JAZF1: variants seen among roughly 807,000 people sequenced by gnomAD.
JAZF1 encodes juxtaposed with another zinc finger protein 1.
A neutral mutation model predicts 26.4 loss-of-function variants in JAZF1; 8 were observed. The observed-to-expected ratio is 0.30, with a 90% CI of 0.18 to 0.55. The LOEUF (loss-of-function observed/expected upper bound fraction) is 0.55, where lower values mean the gene tolerates loss of function less well. JAZF1 is among the 20% of genes least tolerant of loss of function. The pLI is 0.94. For synonymous variants in JAZF1, 126 were observed against 122.3 expected, an observed-to-expected ratio of 1.03 and a Z score of -0.20; for missense variants, 199 against 322.0, an observed-to-expected ratio of 0.62 and a Z score of 2.92.
chr7:27,850,139 G>T (rs1316289024), intron 3 of JAZF1, among the ~76,000 whole-genome samples: 1 of 152,094 alleles, frequency 6.6e-6, no homozygotes, highest in Non-Finnish European at 1.5e-5. Context: ...CTTTCCTGGG[G>T]TATCAAATTC....
At chr7:28,013,615 G>A (rs920501396) in intron 1 of JAZF1, among the ~76,000 whole-genome samples, 3 of 152,094 alleles carry the variant, frequency 2.0e-5, no homozygotes, top group African/African-American at 7.2e-5. Context: ...GCACTGAAAT[G>A]ACCAAAGCAG....
chr7:27,873,783 C>T (rs957419734), intron 3 of JAZF1, among the ~76,000 whole-genome samples: 2 of 152,208 alleles, frequency 1.3e-5, no homozygotes, highest in Non-Finnish European at 2.9e-5. Flanking sequence ...GCACTCAGTG[C>T]TGGGTCTTCG....
At chr7:27,869,980 C>T (rs111805630) in intron 3 of JAZF1, among the ~76,000 whole-genome samples, 2,333 of 152,234 alleles carry the variant, frequency 0.015, 44 homozygotes, top group African/African-American at 0.054. Context: ...ACGATACTGG[C>T]TCACTGCAAC....
At chr7:28,068,217 GTTTT>G (rs551935511) in intron 1 of JAZF1, among the ~76,000 whole-genome samples, 15 of 124,478 alleles carry the variant, frequency 1.2e-4, no homozygotes, top group African/African-American at 4.4e-4. Context: ...GCTCAGCCTA[GTTTT>G]TTTTTTTTTT....
At chr7:28,153,174 A>C (rs1420263748) in intron 1 of JAZF1, among the ~76,000 whole-genome samples, 4 of 152,196 alleles carry the variant, frequency 2.6e-5, no homozygotes, top group Non-Finnish European at 5.9e-5. Context: ...CCAAGGGTAC[A>C]CTACTTGGTT....
chr7:28,111,523 A>G (rs1784661010), intron 1 of JAZF1, among the ~76,000 whole-genome samples: 1 of 152,226 alleles, frequency 6.6e-6, no homozygotes. Context: ...GCTTTCTATC[A>G]CATGATAGCT....
chr7:27,910,047 G>GT (rs1379915422), intron 2 of JAZF1, among the ~76,000 whole-genome samples: 1 of 152,196 alleles, frequency 6.6e-6, no homozygotes, highest in Non-Finnish European at 1.5e-5. Context: ...GAGGAGCACT[G>GT]TTATATAGAG....
intron 1 of JAZF1, among the ~76,000 whole-genome samples, chr7:28,083,627 AT>A (rs1026108389): frequency 7.2e-4 from 110 of 152,162 alleles, no homozygotes; most frequent in African/African-American, 2.6e-3. Flanking sequence ...ATTATTTTAT[AT>A]TTTTCAAAAT....
At chr7:28,001,746 A>G (rs1056696683) in intron 1 of JAZF1, among the ~76,000 whole-genome samples, 1 of 151,970 alleles carries the variant, frequency 6.6e-6, no homozygotes, top group Non-Finnish European at 1.5e-5. Flanking sequence ...GACGATGCAG[A>G]GCACTGAAGG....
intron 1 of JAZF1, among the ~76,000 whole-genome samples, chr7:28,075,728 G>C (rs1583546629): frequency 6.6e-6 from 1 of 152,120 alleles, no homozygotes; most frequent in East Asian, 1.9e-4. Flanking sequence ...CATATTAATG[G>C]ATATTTAGGT....
At chr7:28,128,762 C>T (rs1297633036) in intron 1 of JAZF1, among the ~76,000 whole-genome samples, 1 of 152,150 alleles carries the variant, frequency 6.6e-6, no homozygotes, top group Non-Finnish European at 1.5e-5. Flanking sequence ...CAAATTATTT[C>T]AATCAACAGG....
chr7:28,116,670 G>A (rs989231131), intron 1 of JAZF1, among the ~76,000 whole-genome samples: 1 of 151,892 alleles, frequency 6.6e-6, no homozygotes, highest in Non-Finnish European at 1.5e-5. Flanking sequence ...TCTCAAACTC[G>A]AACTCCTGAC....
chr7:28,000,622 C>CTT (rs1190147547), intron 1 of JAZF1, among the ~76,000 whole-genome samples: 1,460 of 61,958 alleles, frequency 0.024, 49 homozygotes, highest in African/African-American at 0.057. Flanking sequence ...TTCTTTCTTT[C>CTT]TTTTTTTTTT....
At chr7:28,080,485 C>T (rs907624265) in intron 1 of JAZF1, among the ~76,000 whole-genome samples, 6 of 152,192 alleles carry the variant, frequency 3.9e-5, no homozygotes, top group Admixed American at 6.5e-5. Flanking sequence ...TGCAAGAAGC[C>T]GAGTTTTCAG....
chr7:28,135,665 G>A (rs1435061250), intron 1 of JAZF1, among the ~76,000 whole-genome samples: 1 of 152,174 alleles, frequency 6.6e-6, no homozygotes, highest in Admixed American at 6.5e-5. Context: ...AGCTTCAAAA[G>A]AGGCAATTAC....
chr7:27,885,470 A>G (rs1783843162), intron 3 of JAZF1, among the ~76,000 whole-genome samples: 1 of 152,242 alleles, frequency 6.6e-6, no homozygotes. Context: ...TTCTGTGTTA[A>G]TAACAACAGT....
At chr7:27,835,314 C>G (rs1176309677) in intron 4 of JAZF1, among the ~76,000 whole-genome samples, 2 of 152,172 alleles carry the variant, frequency 1.3e-5, no homozygotes, top group Non-Finnish European at 2.9e-5. Flanking sequence ...AGATTTAAGA[C>G]CAGAAATTGC....
At chr7:27,875,517 C>T (rs778199067) in intron 3 of JAZF1, among the ~76,000 whole-genome samples, 90 of 152,192 alleles carry the variant, frequency 5.9e-4, no homozygotes, top group Non-Finnish European at 1.1e-3. Context: ...TTCCCCCACC[C>T]CACCCACCAG....
At chr7:28,086,500 A>G (rs1468970352) in intron 1 of JAZF1, among the ~76,000 whole-genome samples, 2 of 152,198 alleles carry the variant, frequency 1.3e-5, no homozygotes, top group African/African-American at 4.8e-5. Flanking sequence ...ACGAGCATCT[A>G]TATTTCACTG....
Sources: gnomAD v4.1 joint callset for allele counts (sites outside exome capture counted in the v4.1 genomes callset) on GRCh38, gnomAD v4.1.1 for gene constraint, MANE v1.5 for transcripts, NCBI Gene and HGNC (gene_info 2026-07-23, HGNC 2026-07-21) for gene names.